The following NUB1 variants were observed in gnomAD, a reference collection of about 807,000 sequenced individuals.
NUB1 encodes negative regulator of ubiquitin like proteins 1, also known as NEDD8 ultimate buster 1.
Under a neutral mutation model 77.1 loss-of-function variants are expected in NUB1, and 41 were observed. The observed-to-expected ratio is 0.53, with a 90% confidence interval of 0.41 to 0.69. The LOEUF (loss-of-function observed/expected upper bound fraction) is 0.69. Among genes scored for constraint, NUB1 ranks in the 30% least tolerant of loss-of-function variants. The pLI is 0.00. For synonymous variants in NUB1, 257 were observed against 281.0 expected, an observed-to-expected ratio of 0.91 and a Z score of 0.85; for missense variants, 643 against 743.8, an observed-to-expected ratio of 0.86 and a Z score of 1.58.
At position 151,348,942 on chromosome 7, in the gene NUB1, G is replaced by A. The variant is rs958454071; in HGVS notation, c.118-131G>A. 1.2e-5 allele frequency: 9 copies of A among 727,062 alleles called. No individual in the cohort carries two copies. The African/African-American group carries it at 1.6e-4, about 13-fold the overall frequency. 45.0% of individuals were successfully genotyped at this position (727,062 alleles called of 1,614,324 possible). A position where few individuals can be genotyped will look rare whatever the true frequency, so the allele number is the denominator to read the frequency against. On this transcript the variant is annotated intron_variant, in intron 2 of 14. Transcript: ENST00000568733. ...ACACCTCTCAAGATGTCAAACCACA[G>A]TGTGGACTGCAGTGTAACGGGGCGA...
rs763134389 is a variant in NUB1 at position 151,368,848 on chromosome 7, C to A, written c.1209C>A (p.Asn403Lys). 1 of 1,613,794 alleles carries A rather than the reference C, an allele frequency of 6.2e-7. No homozygotes were observed. The highest frequency in any genetic ancestry group is 8.5e-7 in the Non-Finnish European group (1 of 1,179,854). The change falls in exon 11 of 15, where the codon AAC (asparagine) becomes AAA (lysine). Residue 403 changes from asparagine to lysine, a missense_variant. Coordinates refer to ENST00000568733, the MANE Select transcript of NUB1 (RefSeq NM_001243351.2). Reference protein sequence around the residue: ...ARLGLRACDGNVDHAATHITN... With the variant: ...ARLGLRACDGKVDHAATHITN... ...TTGGCCTGAGGGCGTGTGATGGGAA[C>A]GTGGATCATGCGGCCACTCATATTA... is the stretch of plus-strand genomic sequence containing the variant.
chr7:151,377,158 A>G lies in NUB1; in HGVS notation c.1781A>G (p.Glu594Gly). ...TATCTTGACTCAACTCTGGAAGATG[A>G]AGAAATTATTATTGCAGAGTACCTA... ...EDYLDSTLED[E>G]EIIIAEYLSY... The change falls in exon 15 of 15, where the codon GAA becomes GGA. Residue 594 changes from glutamate (E) to glycine (G), a missense_variant. By Grantham distance (98) the Glu-to-Gly change is moderately conservative (BLOSUM62 -2). Transcript: ENST00000568733. 1 of 1,590,484 alleles carries G rather than the reference A, an allele frequency of 6.3e-7. No homozygotes were observed. The highest frequency in any genetic ancestry group is 8.6e-7 in the Non-Finnish European group (1 of 1,167,192).
At chr7:151,347,603 G>A (rs1310666921) in intron 2 of NUB1, among the ~76,000 whole-genome samples, 4 of 152,122 alleles carry the variant, frequency 2.6e-5, no homozygotes, top group South Asian at 2.1e-4. Flanking sequence ...GACTACAGGT[G>A]CATGCCACCA....
chr7:151,359,022 G>A (rs557134139), intron 7 of NUB1, among the ~76,000 whole-genome samples: 18 of 151,568 alleles, frequency 1.2e-4, no homozygotes, highest in South Asian at 4.2e-4. Flanking sequence ...CCGAGATCGC[G>A]CCACTGCACT....
chr7:151,354,524 T>C (rs17173101), intron 5 of NUB1, among the ~76,000 whole-genome samples: 2,490 of 152,290 alleles, frequency 0.016, 50 homozygotes, highest in East Asian at 0.089. Context: ...CTTTTTTATT[T>C]TGTTTATTTG....
chr7:151,366,070 C>T (rs1352236239), intron 8 of NUB1, among the ~76,000 whole-genome samples: 1 of 152,116 alleles, frequency 6.6e-6, no homozygotes, highest in Admixed American at 6.5e-5. Flanking sequence ...GACTTGAGAC[C>T]TAGATTGGCA....
rs1798347617 is a variant in NUB1 at position 151,377,302 on chromosome 7, TCTTA to T, written c.*81_*84del. 5 of 1,046,322 alleles carry T rather than the reference TCTTA, an allele frequency of 4.8e-6. No homozygotes were observed. Among genetic ancestry groups the T allele is most frequent in the Admixed American group, 3.1e-5 (1 of 32,114 alleles). 64.8% of individuals were successfully genotyped at this position (1,046,322 alleles called of 1,614,324 possible). A position where few individuals can be genotyped will look rare whatever the true frequency, so the allele number is the denominator to read the frequency against. ...AAAAGGCTAATGCAGCTCTTTCTGT[TCTTA>T]CTTTTTATCTGAATTACAAGTCCTC... is the stretch of plus-strand genomic sequence containing the variant. On this transcript the variant is annotated 3_prime_UTR_variant, in exon 15 of 15. Coordinates refer to ENST00000568733, the MANE Select transcript of NUB1 (RefSeq NM_001243351.2).
At chr7:151,344,661 T>G (rs796713445) in intron 1 of NUB1, among the ~76,000 whole-genome samples, 33 of 151,892 alleles carry the variant, frequency 2.2e-4, no homozygotes, top group African/African-American at 7.9e-4. Context: ...CAAGCTTTTC[T>G]TTATATTTAA....
rs1246134377 is a variant in NUB1, at chr7:151,345,446, A to G, written c.97A>G (p.Lys33Glu). The G allele has an allele frequency of 6.3e-7, 1 of 1,599,894 alleles. No homozygotes were observed. The highest frequency in any genetic ancestry group is 8.5e-7 in the Non-Finnish European group (1 of 1,172,818). Residue 33 changes from lysine to glutamate, a missense_variant, in exon 2 of 15, where the codon AAA (lysine) becomes GAA (glutamate). Transcript: ENST00000568733. ...WKPPYTDENK[K>E]VGLALKDLAK... ...ACCTCCATATACAGATGAAAATAAA[A>G]AAGTTGGTTTGGCATTAAAGGTATT...
chr7:151,351,187 G>T, intron 3 of NUB1: 1 of 483,328 alleles, frequency 2.1e-6, no homozygotes, highest in Admixed American at 4.0e-5. Flanking sequence ...TGTGTGAGAC[G>T]GCCCCTCTGA....
chr7:151,360,458 G>A (rs1252963376), intron 8 of NUB1: 3 of 468,526 alleles, frequency 6.4e-6, no homozygotes. Flanking sequence ...TTTCAAGCAG[G>A]TAGGATATCC....
In NUB1 at chr7:151,377,493, C is replaced by T. The variant is rs180789808; in HGVS notation, c.*268C>T. 8.9e-5 allele frequency: 23 copies of T among 257,864 alleles called. No homozygotes were observed. Among genetic ancestry groups the T allele is most frequent in the African/African-American group, 1.3e-4 (6 of 44,828 alleles). The allele number at this position is 257,864 out of a possible 1,614,324, so 16.0% of individuals were successfully genotyped here. On this transcript the variant is annotated 3_prime_UTR_variant, in exon 15 of 15. Coordinates refer to ENST00000568733, the MANE Select transcript of NUB1 (RefSeq NM_001243351.2). ...CCTTCCCCAGCTTGGTGTTTTACCC[C>T]GAAACAGGAAGGAACAGGGGTCCTG...
intron 1 of NUB1, 132 bp downstream of exon 1, chr7:151,341,978 G>T: frequency 7.6e-7 from 1 of 1,311,488 alleles, no homozygotes. Flanking sequence ...GAGCAGCCAT[G>T]CGTGGAGCTG....
intron 11 of NUB1, 69 bp from the exon 12 acceptor site, chr7:151,374,028 G>C (rs1180184669): frequency 9.5e-6 from 14 of 1,470,520 alleles, no homozygotes; most frequent in African/African-American, 2.8e-5. Flanking sequence ...GAATCCTGCA[G>C]AGCGCAGACT....
At chr7:151,359,645 C>T (rs1162240476) in intron 7 of NUB1, among the ~76,000 whole-genome samples, 1 of 150,788 alleles carries the variant, frequency 6.6e-6, no homozygotes, top group African/African-American at 2.5e-5. Flanking sequence ...GGCATGGTGG[C>T]TCATGCCTGT....
chr7:151,367,296 TG>T (rs1797737870), intron 9 of NUB1, among the ~76,000 whole-genome samples, 171 bp downstream of exon 9: 1 of 152,264 alleles, frequency 6.6e-6, no homozygotes, highest in African/African-American at 2.4e-5. Context: ...TTTACAAATC[TG>T]GCTGTCTCTC....
chr7:151,353,534 C>T (rs1796918468), intron 5 of NUB1, among the ~76,000 whole-genome samples: 1 of 152,170 alleles, frequency 6.6e-6, no homozygotes, highest in Non-Finnish European at 1.5e-5. Flanking sequence ...TGTCCAGTCC[C>T]AGATGTCAGT....
chr7:151,345,829 A>G (rs1796478541), intron 2 of NUB1, among the ~76,000 whole-genome samples: 1 of 152,200 alleles, frequency 6.6e-6, no homozygotes, highest in Non-Finnish European at 1.5e-5. Flanking sequence ...CCTTGCTATC[A>G]TCATCTGCTG....
At position 151,366,941 on chromosome 7, in the gene NUB1, A is replaced by G; in HGVS notation, c.803A>G (p.Glu268Gly). ...TGTCACTGTCCTTCTCTTTCCAGTG[A>G]GTGTTGCAGAGAGCTGCTGGACACA... ...CLLDADKYFC[E>G]CCRELLDTVD... Residue 268 changes from glutamate to glycine, a missense_variant and splice_region_variant, in exon 9 of 15, where the codon GAG (glutamate) becomes GGG (glycine). Glu to Gly is a moderately conservative substitution (Grantham distance 98). Coordinates refer to ENST00000568733, the MANE Select transcript of NUB1 (RefSeq NM_001243351.2). The G allele has an allele frequency of 6.3e-7, 1 of 1,586,726 alleles. No homozygotes were observed. The highest frequency in any genetic ancestry group is 8.6e-7 in the Non-Finnish European group (1 of 1,166,426).
Sources: allele counts gnomAD v4.1 joint callset (sites outside exome capture counted in the v4.1 genomes callset), GRCh38; gene constraint gnomAD v4.1.1; transcripts MANE v1.5; gene names NCBI Gene and HGNC (gene_info 2026-07-23, HGNC 2026-07-21).